The following TPTE variants were observed in gnomAD, a reference collection of about 807,000 sequenced individuals.
The protein encoded by TPTE is putative tyrosine-protein phosphatase TPTE.
TPTE carries 59 observed loss-of-function variants against 84.1 expected under a neutral mutation model. That is an observed-to-expected ratio of 0.70 (90% CI 0.57 to 0.87). The LOEUF is 0.87. Ranked by LOEUF, TPTE falls within the 40% of genes least tolerant of loss-of-function variation. TPTE has a pLI of 0.00. For synonymous variants in TPTE, 130 were observed against 223.5 expected (o/e 0.58, Z 3.73); for missense variants, 382 against 659.6 (o/e 0.58, Z 4.61).
At chr21:10,595,064 A>G (rs2075555817) in intron 19 of TPTE, among the ~76,000 whole-genome samples, 3 of 152,304 alleles carry the variant, frequency 2.0e-5, no homozygotes, top group South Asian at 4.1e-4. Flanking sequence ...AATTTTTGAG[A>G]CAGAGTCTCG....
intron 14 of TPTE, 143 bp from the exon 15 acceptor site, chr21:10,577,317 T>C (rs1363828116): frequency 4.2e-6 from 6 of 1,438,394 alleles, no homozygotes; most frequent in Non-Finnish European, 5.7e-6. Context: ...GAAGTTTGCA[T>C]ACCCTCTTAT....
intron 8 of TPTE, among the ~76,000 whole-genome samples, chr21:10,553,211 G>C (rs1286874638): frequency 6.6e-6 from 1 of 152,306 alleles, no homozygotes; most frequent in Non-Finnish European, 1.5e-5. Flanking sequence ...CTGTTGCACT[G>C]ACCTGAAGGC....
intron 1 of TPTE, among the ~76,000 whole-genome samples, chr21:10,522,143 T>A (rs1321973996): frequency 2.6e-5 from 4 of 152,248 alleles, no homozygotes; most frequent in Admixed American, 2.6e-4. Context: ...CTCGTTGTCT[T>A]GTCCCCCCCC....
At chr21:10,604,744 T>C (rs1979062727) in intron 23 of TPTE, among the ~76,000 whole-genome samples, 3 of 152,420 alleles carry the variant, frequency 2.0e-5, no homozygotes, top group African/African-American at 7.2e-5. Flanking sequence ...GGATACCATT[T>C]TTTTTTTCCT....
intron 8 of TPTE, among the ~76,000 whole-genome samples, chr21:10,554,432 A>G (rs2074639048): frequency 1.3e-5 from 2 of 152,312 alleles, no homozygotes; most frequent in Non-Finnish European, 2.9e-5. Context: ...CAAAGTGTAC[A>G]TTTCTCCCCT....
At chr21:10,533,227 A>G (rs2074209282) in intron 3 of TPTE, among the ~76,000 whole-genome samples, 1 of 152,308 alleles carries the variant, frequency 6.6e-6, no homozygotes, top group Non-Finnish European at 1.5e-5. Flanking sequence ...TATCCAAACT[A>G]CTATTTATCC....
At chr21:10,551,500 C>A (rs373700813) in intron 7 of TPTE, among the ~76,000 whole-genome samples, 1,856 of 151,530 alleles carry the variant, frequency 0.012, no homozygotes, top group South Asian at 0.065. Flanking sequence ...TCAAATAAAC[C>A]ACTGAACAAT....
intron 8 of TPTE, among the ~76,000 whole-genome samples, chr21:10,554,687 G>C (rs978150291): frequency 6.6e-6 from 1 of 152,296 alleles, no homozygotes; most frequent in Non-Finnish European, 1.5e-5. Context: ...TTGTGATTTT[G>C]CCTTTAATGT....
intron 14 of TPTE, among the ~76,000 whole-genome samples, chr21:10,574,342 A>G (rs2075108077): frequency 6.6e-6 from 1 of 152,312 alleles, no homozygotes; most frequent in South Asian, 2.1e-4. Context: ...CAGGGCTGCA[A>G]GTTCAGCTAC....
chr21:10,528,012 C>T (rs1462188745), intron 3 of TPTE, among the ~76,000 whole-genome samples: 3 of 152,014 alleles, frequency 2.0e-5, no homozygotes, highest in East Asian at 1.9e-4. Context: ...TGATCAGGTT[C>T]AGTAATAATT....
chr21:10,603,120 C>T (rs574396436), intron 22 of TPTE, among the ~76,000 whole-genome samples: 42 of 152,274 alleles, frequency 2.8e-4, no homozygotes, highest in African/African-American at 8.9e-4. Flanking sequence ...AGGAGGTGAA[C>T]GGGAAACTGC....
At chr21:10,558,290 C>G (rs2074722899) in intron 8 of TPTE, among the ~76,000 whole-genome samples, 2 of 152,306 alleles carry the variant, frequency 1.3e-5, no homozygotes, top group Non-Finnish European at 1.5e-5. Flanking sequence ...ATTGCTCAGT[C>G]AAATAGTTCT....
At chr21:10,594,409 C>T (rs1392378931) in intron 19 of TPTE, among the ~76,000 whole-genome samples, 162 of 151,880 alleles carry the variant, frequency 1.1e-3, no homozygotes, top group South Asian at 3.8e-3. Flanking sequence ...AAGGCAAAGC[C>T]CGTGGCTTAC....
In TPTE at chr21:10,595,051, T is replaced by TTGTTC. The variant is rs1192540645; in HGVS notation, c.1171-930_1171-929insGTTCT. Among the ~76,000 whole-genome samples, 27 of 151,708 alleles carry TTGTTC rather than the reference T, an allele frequency of 1.8e-4. No homozygotes were observed. In the East Asian group the frequency reaches 3.8e-3, roughly 21 times the overall value. ...GAGTTTTGTTTTGTTTTGTTTTGTT[T>TTGTTC]TTAATTTTTGAGACAGAGTCTCGCT... On this transcript the variant is annotated intron_variant, in intron 19 of 23. Transcript: ENST00000618007.
intron 3 of TPTE, among the ~76,000 whole-genome samples, chr21:10,533,842 A>G (rs1459702840): frequency 1.3e-5 from 2 of 152,312 alleles, no homozygotes; most frequent in Non-Finnish European, 2.9e-5. Context: ...TGCAAGAATG[A>G]TTCGTGAGTT....
chr21:10,548,007 C>T (rs1257385450), intron 7 of TPTE, among the ~76,000 whole-genome samples: 1 of 152,310 alleles, frequency 6.6e-6, no homozygotes, highest in African/African-American at 2.4e-5. Flanking sequence ...GAGAAACAGC[C>T]TTGCGGGCCC....
chr21:10,563,223 A>G (rs1256356565), intron 10 of TPTE, among the ~76,000 whole-genome samples: 1 of 152,310 alleles, frequency 6.6e-6, no homozygotes, highest in Non-Finnish European at 1.5e-5. Context: ...GGATTTTGTC[A>G]ACACCAGACC....
chr21:10,568,692 C>G (rs544197444), intron 11 of TPTE, among the ~76,000 whole-genome samples: 1 of 152,430 alleles, frequency 6.6e-6, no homozygotes, highest in African/African-American at 2.4e-5. Flanking sequence ...GAAACGTCAG[C>G]ATCACTTGAC....
intron 8 of TPTE, among the ~76,000 whole-genome samples, chr21:10,559,255 C>A (rs906147436): frequency 4.6e-5 from 7 of 152,428 alleles, no homozygotes; most frequent in Non-Finnish European, 8.8e-5. Flanking sequence ...GCTTTGCATG[C>A]AATGGAAATG....
Sources: allele counts gnomAD v4.1 joint callset (sites outside exome capture counted in the v4.1 genomes callset), GRCh38; gene constraint gnomAD v4.1.1; transcripts MANE v1.5; gene names NCBI Gene and HGNC (gene_info 2026-07-23, HGNC 2026-07-21).